Variants in PTPRN2 observed in about 807,000 individuals in gnomAD.
PTPRN2 encodes protein tyrosine phosphatase receptor type N2, also known as receptor-type tyrosine-protein phosphatase N2.
A neutral mutation model predicts 118.8 loss-of-function variants in PTPRN2; 74 were observed. That is an observed-to-expected ratio of 0.62 (90% CI 0.52 to 0.76). The LOEUF (loss-of-function observed/expected upper bound fraction) is 0.76, where lower values mean the gene tolerates loss of function less well. PTPRN2 is among the 30% of genes least tolerant of loss of function. The pLI, the probability that PTPRN2 is intolerant of heterozygous loss-of-function variation, is 0.00. For synonymous variants in PTPRN2, 641 were observed against 608.0 expected (o/e 1.05, Z -0.80); for missense variants, 1,481 against 1,394.4 (o/e 1.06, Z -0.99).
At chr7:158,125,054 G>A (rs1817512926) in intron 9 of PTPRN2, among the ~76,000 whole-genome samples, 1 of 152,208 alleles carries the variant, frequency 6.6e-6, no homozygotes, top group Admixed American at 6.5e-5. Flanking sequence ...AGGGGAGACA[G>A]CTGGCCATGG....
intron 2 of PTPRN2, among the ~76,000 whole-genome samples, chr7:158,407,345 T>C (rs868505868): frequency 2.2e-5 from 2 of 92,598 alleles, no homozygotes; most frequent in East Asian, 4.2e-4. Flanking sequence ...TCCTGCGTCC[T>C]GGGTCCTGGG....
At chr7:157,774,958 T>C (rs1022238668) in intron 12 of PTPRN2, among the ~76,000 whole-genome samples, 1 of 152,174 alleles carries the variant, frequency 6.6e-6, no homozygotes, top group African/African-American at 2.4e-5. Context: ...CCAGAGTCTC[T>C]GAAAGTTCTT....
At chr7:158,138,562 C>A in intron 6 of PTPRN2, 47 bp from the exon 7 acceptor site, 2 of 1,568,244 alleles carry the variant, frequency 1.3e-6, no homozygotes, top group South Asian at 1.1e-5. Flanking sequence ...TGGACGAATG[C>A]AAAGGTGAGG....
intron 12 of PTPRN2, among the ~76,000 whole-genome samples, chr7:157,768,701 A>G (rs1006616947): frequency 6.6e-6 from 1 of 152,224 alleles, no homozygotes; most frequent in Non-Finnish European, 1.5e-5. Flanking sequence ...TTTGGAAATC[A>G]CACTGATTTC....
intron 12 of PTPRN2, among the ~76,000 whole-genome samples, chr7:157,858,179 T>C (rs141890783): frequency 0.02 from 204 of 10,008 alleles, 11 homozygotes; most frequent in Middle Eastern, 0.071. Context: ...AGGGAGAGCC[T>C]CCCAGCCACC....
intron 11 of PTPRN2, among the ~76,000 whole-genome samples, chr7:158,046,761 C>G (rs1808909491): frequency 6.6e-6 from 1 of 152,150 alleles, no homozygotes; most frequent in African/African-American, 2.4e-5. Flanking sequence ...TTTCCTGAAG[C>G]AGATTTCCTA....
At chr7:158,386,238 G>A (rs1811351003) in intron 2 of PTPRN2, among the ~76,000 whole-genome samples, 1 of 124,992 alleles carries the variant, frequency 8.0e-6, no homozygotes, top group African/African-American at 3.3e-5. Flanking sequence ...CTATTTCTGT[G>A]CCCCTCCTCC....
rs139752030 is a variant in PTPRN2, at chr7:158,416,634, G to A, written c.163+73101C>T. ...CAAACAAAGATATAAGTGCACCAGA[G>A]AATGAAAAGGGATGGTGCTGGAAGT... On this transcript the variant is annotated intron_variant, in intron 2 of 22. Transcript: ENST00000389418. 5.1e-3 allele frequency among the ~76,000 whole-genome samples: 779 copies of A among 152,268 alleles called. 4 individuals are homozygous for A. Among genetic ancestry groups the A allele is most frequent in the Non-Finnish European group, 6.2e-3 (423 of 68,026 alleles).
In PTPRN2 at chr7:157,984,540, A is replaced by G. The variant is rs559708713; in HGVS notation, c.1724-85803T>C. Among the ~76,000 whole-genome samples, 15 of 151,116 alleles carry G rather than the reference A, an allele frequency of 9.9e-5. 1 individual carries two copies. In the East Asian group the frequency reaches 3.0e-3, roughly 30 times the overall value. On this transcript the variant is annotated intron_variant, in intron 11 of 22. Transcript: ENST00000389418. ...GCTGGAAGGTTCCCAAACCTAGGCC[A>G]GGGTGTGAATGCCAGGGGCCCTGTG...
chr7:158,404,032 G>A (rs78586556), intron 2 of PTPRN2, among the ~76,000 whole-genome samples: 3,627 of 152,326 alleles, frequency 0.024, 160 homozygotes, highest in African/African-American at 0.082. Context: ...ACACGAAGAC[G>A]TTGTGGTGGG....
chr7:158,303,971 G>A (rs1312101855), intron 3 of PTPRN2, among the ~76,000 whole-genome samples: 1 of 152,236 alleles, frequency 6.6e-6, no homozygotes, highest in African/African-American at 2.4e-5. Context: ...AAGGTGGATG[G>A]GCTTCAGCTT....
At chr7:158,494,653 GCCCTGGGAT>G (rs1489502707) in intron 1 of PTPRN2, among the ~76,000 whole-genome samples, 103 of 152,276 alleles carry the variant, frequency 6.8e-4, no homozygotes, top group Non-Finnish European at 2.8e-4. Flanking sequence ...AATGACCAAG[GCCCTGGGAT>G]CCAACTGCAA....
At position 158,571,978 on chromosome 7, in the gene PTPRN2, A is replaced by G. The variant is rs371354720; in HGVS notation, c.112+15580T>C. Among the ~76,000 whole-genome samples the G allele has an allele frequency of 2.8e-4, 42 of 152,352 alleles. No homozygotes were observed. The East Asian group carries it at 7.7e-3, about 28-fold the overall frequency. Reference sequence around the variant, plus strand: ...TAACCTCATGAAATTCTACTATAAGATAAGCACTAGGAATGCACTGGAAAG... The same window carrying G: ...TAACCTCATGAAATTCTACTATAAGGTAAGCACTAGGAATGCACTGGAAAG... On this transcript the variant is annotated intron_variant, in intron 1 of 22. Transcript: ENST00000389418.
At chr7:157,749,241 G>T (rs1454767444) in intron 12 of PTPRN2, among the ~76,000 whole-genome samples, 1 of 124,618 alleles carries the variant, frequency 8.0e-6, no homozygotes, top group Non-Finnish European at 1.6e-5. Flanking sequence ...GGCTGTTGAG[G>T]TGATTCTGAG....
rs1303911579 is a variant in PTPRN2 at position 158,525,814 on chromosome 7, C to CA, written c.113-36030dup. ...GCCACCTCTCTCTGCTGTGCTCACACAGTGTGGAAGCTCCCGCTTCAGCAA... is the reference window on the plus strand; with the variant it reads ...GCCACCTCTCTCTGCTGTGCTCACACAAGTGTGGAAGCTCCCGCTTCAGCAA... On this transcript the variant is annotated intron_variant, in intron 1 of 22. Coordinates refer to ENST00000389418, the MANE Select transcript of PTPRN2 (RefSeq NM_002847.5). The surrounding 1 kb of genome is among the most constrained non-coding windows in gnomAD (Gnocchi z 4.1). Among the ~76,000 whole-genome samples the CA allele has an allele frequency of 6.6e-6, 1 of 152,172 alleles. No homozygotes were observed. The highest frequency in any genetic ancestry group is 6.5e-5 in the Admixed American group (1 of 15,280).
In PTPRN2 at chr7:157,990,073, C is replaced by T. The variant is rs191885981; in HGVS notation, c.1723+91225G>A. 2.6e-3 allele frequency among the ~76,000 whole-genome samples: 400 copies of T among 152,218 alleles called. No homozygotes were observed. Among genetic ancestry groups the T allele is most frequent in the African/African-American group, 9.5e-3 (395 of 41,526 alleles). On this transcript the variant is annotated intron_variant, in intron 11 of 22. Coordinates refer to ENST00000389418, the MANE Select transcript of PTPRN2 (RefSeq NM_002847.5). This position sits in a 1 kb window ranked among gnomAD's most constrained non-coding sequence, Gnocchi z 4.3. ...TTCTCAACAAAACCTGCCCTCCATC[C>T]CTCTATGAAGAAAAATGCAAGTTGC... is the stretch of plus-strand genomic sequence containing the variant.
chr7:157,814,677 G>T (rs1484251477), intron 12 of PTPRN2, among the ~76,000 whole-genome samples: 1 of 152,346 alleles, frequency 6.6e-6, no homozygotes, highest in East Asian at 1.9e-4. Context: ...TGGCAAGGAG[G>T]CGAGAAGCGG....
intron 11 of PTPRN2, among the ~76,000 whole-genome samples, chr7:157,910,582 A>G (rs1185500895): frequency 2.0e-5 from 3 of 152,246 alleles, no homozygotes; most frequent in Non-Finnish European, 4.4e-5. Context: ...CGTTCTGCAC[A>G]GCTGGCGGAC....
At chr7:157,971,566 C>T (rs540313671) in intron 11 of PTPRN2, among the ~76,000 whole-genome samples, 15 of 152,326 alleles carry the variant, frequency 9.8e-5, no homozygotes, top group Middle Eastern at 3.4e-3. Context: ...CTGGAACGTT[C>T]CCCAGCAATT....
Sources: gnomAD v4.1 joint callset for allele counts (sites outside exome capture counted in the v4.1 genomes callset) on GRCh38, gnomAD v4.1.1 for gene constraint, Gnocchi (gnomAD v3.1) non-coding constraint, MANE v1.5 for transcripts, NCBI Gene and HGNC (gene_info 2026-07-23, HGNC 2026-07-21) for gene names.